XRCC5: variants seen among roughly 807,000 people sequenced by gnomAD.
XRCC5 encodes the protein DNA repair protein Ku80.
In XRCC5, 12 loss-of-function variants were observed where a neutral mutation model predicts 95.7. The observed-to-expected ratio is 0.13, with a 90% confidence interval of 0.08 to 0.20. The LOEUF (loss-of-function observed/expected upper bound fraction) is 0.20, where lower values mean the gene tolerates loss of function less well. XRCC5 is among the 10% of genes least tolerant of loss of function. The pLI is 1.00. For missense variants in XRCC5, 595 were observed against 873.9 expected, an observed-to-expected ratio of 0.68 and a Z score of 4.02; for synonymous variants, 281 against 290.3, an observed-to-expected ratio of 0.97 and a Z score of 0.33.
At chr2:216,141,152 A>G (rs779101196) in intron 12 of XRCC5, 34 bp from the exon 13 acceptor site, 18 of 1,609,354 alleles carry the variant, frequency 1.1e-5, no homozygotes, top group Non-Finnish European at 1.5e-5. Flanking sequence ...GAATAATGGA[A>G]ATAATCATTT....
chr2:216,124,912 T>C (rs919514513), intron 6 of XRCC5, among the ~76,000 whole-genome samples: 1 of 152,220 alleles, frequency 6.6e-6, no homozygotes, highest in African/African-American at 2.4e-5. Context: ...TTTTCACTTT[T>C]GTTTAAATGA....
At chr2:216,187,837 T>A (rs1209859358) in intron 16 of XRCC5, among the ~76,000 whole-genome samples, 77 of 128,848 alleles carry the variant, frequency 6.0e-4, no homozygotes, top group Middle Eastern at 3.6e-3. Flanking sequence ...TCTCTCTCTC[T>A]CTCTCTCTCT....
At chr2:216,116,630 G>T (rs1221957822) in intron 2 of XRCC5, 29 bp from the exon 3 acceptor site, 2 of 1,613,726 alleles carry the variant, frequency 1.2e-6, no homozygotes, top group African/African-American at 1.3e-5. Context: ...TTCTAATATG[G>T]TTTTCAGCCA....
chr2:216,128,406 A>G (rs1315291761), intron 8 of XRCC5, among the ~76,000 whole-genome samples: 1 of 152,190 alleles, frequency 6.6e-6, no homozygotes, highest in Non-Finnish European at 1.5e-5. Flanking sequence ...CTTACAGTGT[A>G]TATATTTGTG....
Position 216,204,883 on chromosome 2 carries a change from C to T in XRCC5, c.2185-305C>T, listed in dbSNP as rs76991423. On this transcript the variant is annotated intron_variant, in intron 20 of 20. Coordinates refer to ENST00000392132, the MANE Select transcript of XRCC5 (RefSeq NM_021141.4). ...CACCATGTTGTTGATGTCTGGGAAG[C>T]TGTGTAGTAAATGTCTTTTGTATCT... is the stretch of plus-strand genomic sequence containing the variant. Among the ~76,000 whole-genome samples the T allele has an allele frequency of 3.5e-4, 54 of 152,270 alleles. No homozygotes were observed. The East Asian group carries it at 6.4e-3, about 18-fold the overall frequency.
Position 216,174,299 on chromosome 2 carries a change from C to T in XRCC5, c.1834+12251C>T, listed in dbSNP as rs200503678. ...AACATACAAATATCTCTTCTCTTCA[C>T]ATGTCAGTGCCCATTCATGTCATGG... On this transcript the variant is annotated intron_variant, in intron 16 of 20. Coordinates refer to ENST00000392132, the MANE Select transcript of XRCC5 (RefSeq NM_021141.4). 9.2e-5 allele frequency among the ~76,000 whole-genome samples: 14 copies of T among 152,312 alleles called. No individual in the cohort carries two copies. The East Asian group carries it at 2.7e-3, about 29-fold the overall frequency.
chr2:216,193,904 A>C (rs1689665801), intron 18 of XRCC5, among the ~76,000 whole-genome samples: 1 of 152,218 alleles, frequency 6.6e-6, no homozygotes, highest in Non-Finnish European at 1.5e-5. Flanking sequence ...ACTAAAGAGT[A>C]GATTTTCTAC....
intron 14 of XRCC5, among the ~76,000 whole-genome samples, chr2:216,159,152 A>G (rs533489556): frequency 6.6e-6 from 1 of 152,318 alleles, no homozygotes; most frequent in South Asian, 2.1e-4. Flanking sequence ...TGAATTTTTA[A>G]AATTTCTAGA....
At chr2:216,127,483 A>G (rs1696917277) in intron 7 of XRCC5, 53 bp from the exon 8 acceptor site, 1 of 1,543,906 alleles carries the variant, frequency 6.5e-7, no homozygotes, top group African/African-American at 1.4e-5. Context: ...TTCATCTTCT[A>G]TCAATTGGAA....
rs536647557 is a variant in XRCC5 at position 216,166,976 on chromosome 2, G to GT, written c.1834+4933dup. 4.7e-3 allele frequency among the ~76,000 whole-genome samples: 715 copies of GT among 152,272 alleles called. 6 individuals carry two copies. The highest frequency in any genetic ancestry group is 0.016 in the African/African-American group (676 of 41,556). Reference sequence around the variant, plus strand: ...GAGACGATTCTCTTTCAGGGACCTTGTTTTTGCCACTGAGATTGTAGTTTC... The same window carrying GT: ...GAGACGATTCTCTTTCAGGGACCTTGTTTTTTGCCACTGAGATTGTAGTTTC... On this transcript the variant is annotated intron_variant, in intron 16 of 20. Coordinates refer to ENST00000392132, the MANE Select transcript of XRCC5 (RefSeq NM_021141.4).
In XRCC5 at chr2:216,162,061, C is replaced by T; in HGVS notation, c.1834+13C>T. The stretch of plus-strand genomic sequence containing the variant: ...AGCTTTGAGGAAGGTGAGTGGTTGA[C>T]TTTGCATTTAGGAGAAGCTGTTTAG... On this transcript the variant is annotated intron_variant, in intron 16 of 20. Coordinates refer to ENST00000392132, the MANE Select transcript of XRCC5 (RefSeq NM_021141.4). 1 of 1,612,948 alleles carries T rather than the reference C, an allele frequency of 6.2e-7. No homozygotes were observed. Among genetic ancestry groups the T allele is most frequent in the Non-Finnish European group, 8.5e-7 (1 of 1,178,950 alleles).
intron 16 of XRCC5, among the ~76,000 whole-genome samples, chr2:216,186,716 T>C (rs1443415914): frequency 6.6e-6 from 1 of 152,170 alleles, no homozygotes; most frequent in Non-Finnish European, 1.5e-5. Flanking sequence ...GAAAAGCATT[T>C]TGGTGAATTA....
intron 16 of XRCC5, among the ~76,000 whole-genome samples, chr2:216,162,426 A>T (rs1184796043): frequency 1.4e-5 from 2 of 141,622 alleles, no homozygotes; most frequent in African/African-American, 2.7e-5. Flanking sequence ...TTTGAGATGG[A>T]GTTTCTCTCT....
At chr2:216,165,224 G>A (rs1689033095) in intron 16 of XRCC5, among the ~76,000 whole-genome samples, 1 of 152,280 alleles carries the variant, frequency 6.6e-6, no homozygotes. Context: ...AACATTTTAA[G>A]GTCGTGTATC....
In XRCC5 at chr2:216,130,941, C is replaced by G; in HGVS notation, c.1004C>G (p.Ser335Trp). Residue 335 changes from serine to tryptophan, a missense_variant, in exon 9 of 21, where the codon TCG becomes TGG. Physicochemically the swap from Ser to Trp is radical, Grantham distance 177. Around this residue, in one of 2 missense-constraint regions of XRCC5, gnomAD observed 286 missense variants for 491.1 expected, o/e 0.58. Coordinates refer to ENST00000392132, the MANE Select transcript of XRCC5 (RefSeq NM_021141.4). ...KVDEEQMKYK[S>W]EGKCFSVLGF... is the part of the protein sequence containing the mutation. ...GATGAGGAACAAATGAAATATAAAT[C>G]GGAGGGGAAGTGCTTCTCTGTTTTG... 2 of 1,613,476 alleles carry G rather than the reference C, an allele frequency of 1.2e-6. No homozygotes were observed.
intron 16 of XRCC5, among the ~76,000 whole-genome samples, chr2:216,182,973 A>G (rs1006545632): frequency 4.6e-5 from 7 of 152,212 alleles, no homozygotes; most frequent in Admixed American, 1.3e-4. Flanking sequence ...CTGGGAACAG[A>G]TCTGGTCATA....
At chr2:216,190,143 A>G in intron 16 of XRCC5, 82 bp from the exon 17 acceptor site, 2 of 1,183,754 alleles carry the variant, frequency 1.7e-6, no homozygotes, top group Non-Finnish European at 2.4e-6. Context: ...ACTATAATAC[A>G]TACTTATAGG....
chr2:216,110,247 ATT>A lies in XRCC5; in HGVS notation c.21+800_21+801del, dbSNP rs34388243. 3.3e-5 allele frequency among the ~76,000 whole-genome samples: 5 copies of A among 150,246 alleles called. No individual in the cohort carries two copies. In the East Asian group the frequency reaches 5.8e-4, roughly 17 times the overall value. On this transcript the variant is annotated intron_variant, in intron 1 of 20. Transcript: ENST00000392132. Reference sequence around the variant, plus strand: ...AGAAATTACAATGAATTTTAAAGTGATTTTTTTTTTTCAACATAAAAGAGTGG... The same window carrying A: ...AGAAATTACAATGAATTTTAAAGTGATTTTTTTTTCAACATAAAAGAGTGG...
chr2:216,205,288 A>G lies in XRCC5; in HGVS notation c.*86A>G. 1 of 1,562,478 alleles carries G rather than the reference A, an allele frequency of 6.4e-7. No homozygotes were observed. Among genetic ancestry groups the G allele is most frequent in the Non-Finnish European group, 8.8e-7 (1 of 1,133,334 alleles). On this transcript the variant is annotated 3_prime_UTR_variant, in exon 21 of 21. Coordinates refer to ENST00000392132, the MANE Select transcript of XRCC5 (RefSeq NM_021141.4). ...AAAACAAGTTGGATGCGGCCATTCAAGGGGAGCCAAAATCTCAAGAAATTC... is the reference window on the plus strand; with the variant it reads ...AAAACAAGTTGGATGCGGCCATTCAGGGGGAGCCAAAATCTCAAGAAATTC...
Sources: gnomAD v4.1 joint callset for allele counts (sites outside exome capture counted in the v4.1 genomes callset) on GRCh38, gnomAD v4.1.1 for gene constraint, gnomAD v4.1.1 regional missense constraint, MANE v1.5 for transcripts, NCBI Gene and HGNC (gene_info 2026-07-23, HGNC 2026-07-21) for gene names.